The following SMOC2 variants were observed in gnomAD, a reference collection of about 807,000 sequenced individuals.
SMOC2 encodes SPARC-related modular calcium-binding protein 2.
Under a neutral mutation model 61.4 loss-of-function variants are expected in SMOC2, and 39 were observed. That is an observed-to-expected ratio of 0.64 (90% confidence interval 0.49 to 0.83). The LOEUF is 0.83. Among genes scored for constraint, SMOC2 ranks in the 40% least tolerant of loss-of-function variants. The pLI is 0.00. For synonymous variants in SMOC2, 247 were observed against 239.9 expected (o/e 1.03, Z -0.27); for missense variants, 556 against 592.9 (o/e 0.94, Z 0.65).
At chr6:168,562,722 C>G (rs1003482209) in intron 7 of SMOC2, among the ~76,000 whole-genome samples, 1 of 152,190 alleles carries the variant, frequency 6.6e-6, no homozygotes, top group Non-Finnish European at 1.5e-5. Context: ...AAGAAATGCA[C>G]TCACATTTCA....
chr6:168,554,531 G>A (rs1250956841), intron 7 of SMOC2, among the ~76,000 whole-genome samples: 1 of 152,198 alleles, frequency 6.6e-6, no homozygotes. Context: ...TGGGGGTGGA[G>A]AGGAGGGGCA....
intron 9 of SMOC2, among the ~76,000 whole-genome samples, chr6:168,636,621 G>A (rs1786726583): frequency 6.6e-6 from 1 of 152,230 alleles, no homozygotes; most frequent in African/African-American, 2.4e-5. Context: ...AACATTGTTG[G>A]AAGGACAGAA....
chr6:168,517,944 G>A (rs1314069747), intron 2 of SMOC2, among the ~76,000 whole-genome samples: 1 of 152,256 alleles, frequency 6.6e-6, no homozygotes, highest in Non-Finnish European at 1.5e-5. Flanking sequence ...GGGCCGGGGG[G>A]CTCTGTCCTC....
At chr6:168,516,168 G>A (rs994738101) in intron 2 of SMOC2, among the ~76,000 whole-genome samples, 1 of 152,162 alleles carries the variant, frequency 6.6e-6, no homozygotes, top group Non-Finnish European at 1.5e-5. Flanking sequence ...CGATTTAAAT[G>A]TTTTGCACAC....
intron 12 of SMOC2, chr6:168,664,384 CTTTTTTTTTTTTTTTTTTT>C (rs750178882): frequency 2.7e-4 from 90 of 330,220 alleles, no homozygotes; most frequent in South Asian, 3.7e-4. Flanking sequence ...TTTGGTAGAT[CTTTTTTTTTTTTTTTTTTT>C]TTTTTTTTTT....
intron 11 of SMOC2, chr6:168,655,599 C>T (rs111499922): frequency 0.011 from 3,696 of 346,448 alleles, 141 homozygotes; most frequent in African/African-American, 0.073. Context: ...CACATGTGTG[C>T]CAGATCCCCC....
intron 7 of SMOC2, among the ~76,000 whole-genome samples, chr6:168,597,385 C>T (rs1785360386): frequency 6.6e-6 from 1 of 152,166 alleles, no homozygotes. Flanking sequence ...TTATTGAGTG[C>T]CTATTACAAG....
At chr6:168,638,301 A>G (rs1163188282) in intron 9 of SMOC2, among the ~76,000 whole-genome samples, 2 of 152,218 alleles carry the variant, frequency 1.3e-5, no homozygotes, top group Non-Finnish European at 2.9e-5. Context: ...GGTTTTCACC[A>G]CTAAGAACCT....
At chr6:168,449,410 G>A (rs1443512717) in intron 1 of SMOC2, among the ~76,000 whole-genome samples, 1 of 152,126 alleles carries the variant, frequency 6.6e-6, no homozygotes, top group Non-Finnish European at 1.5e-5. Context: ...TTAGATAGGA[G>A]ATAGAAATTT....
At chr6:168,502,311 AAGAAATC>A (rs1374315512) in intron 1 of SMOC2, among the ~76,000 whole-genome samples, 6 of 152,242 alleles carry the variant, frequency 3.9e-5, no homozygotes, top group Non-Finnish European at 8.8e-5. Context: ...TGGACAAGTG[AAGAAATC>A]AGCTCTCACA....
rs529329008 is a variant in SMOC2 at position 168,543,475 on chromosome 6, G to A, written c.464-150G>A. On this transcript the variant is annotated intron_variant, in intron 4 of 12. Transcript: ENST00000356284. ...TGTTTAGGTGACAGTGTCCCCTCAG[G>A]GTACTAGACAGCTTACAGAATTTAA... 8 of 647,410 alleles carry A rather than the reference G, an allele frequency of 1.2e-5. No homozygotes were observed. In the East Asian group the frequency reaches 2.2e-4, roughly 18 times the overall value. 40.1% of individuals were successfully genotyped at this position (647,410 alleles called of 1,614,324 possible).
intron 1 of SMOC2, among the ~76,000 whole-genome samples, chr6:168,472,822 G>A (rs1409070961): frequency 2.0e-5 from 3 of 152,162 alleles, no homozygotes; most frequent in Middle Eastern, 3.4e-3. Context: ...TAGGGGAAAT[G>A]GGGAAATGCT....
At chr6:168,555,424 A>G (rs1017923032) in intron 7 of SMOC2, among the ~76,000 whole-genome samples, 2 of 151,532 alleles carry the variant, frequency 1.3e-5, no homozygotes, top group African/African-American at 4.9e-5. Flanking sequence ...TCCCACCATC[A>G]AGCTTCCCAC....
In SMOC2 at chr6:168,550,495, T is replaced by C. The variant is rs527923143; in HGVS notation, c.637+1292T>C. 2.0e-5 allele frequency among the ~76,000 whole-genome samples: 3 copies of C among 152,224 alleles called. No homozygotes were observed. In the South Asian group the frequency reaches 6.2e-4, roughly 32 times the overall value. On this transcript the variant is annotated intron_variant, in intron 7 of 12. Coordinates refer to ENST00000356284, the MANE Select transcript of SMOC2 (RefSeq NM_001166412.2). Reference sequence around the variant, plus strand: ...ACCTCAGAACCCCATGGCGAGTCTATGGTAGGCCCGTCCACTGATTTCCAC... The same window carrying C: ...ACCTCAGAACCCCATGGCGAGTCTACGGTAGGCCCGTCCACTGATTTCCAC...
intron 8 of SMOC2, among the ~76,000 whole-genome samples, chr6:168,600,441 A>AAAAAAAC: frequency 7.9e-6 from 1 of 127,030 alleles, no homozygotes; most frequent in South Asian, 2.6e-4. Context: ...AAACAAAAAA[A>AAAAAAAC]AAAACAGTAG....
chr6:168,531,942 C>G (rs1212366685), intron 4 of SMOC2, among the ~76,000 whole-genome samples: 1 of 152,110 alleles, frequency 6.6e-6, no homozygotes, highest in East Asian at 1.9e-4. Flanking sequence ...GTCAAGGGCT[C>G]TGGAGAGTGG....
chr6:168,547,679 GA>G (rs1334791584), intron 6 of SMOC2, among the ~76,000 whole-genome samples: 1 of 152,084 alleles, frequency 6.6e-6, no homozygotes, highest in Non-Finnish European at 1.5e-5. Flanking sequence ...CTTGGCTGTA[GA>G]AATAATTTCA....
Position 168,482,459 on chromosome 6 carries a change from A to T in SMOC2, c.85-27456A>T, listed in dbSNP as rs577170796. Reference sequence around the variant, plus strand: ...TGGACAGAGAAAACCTGTGGACCTCACGGCTTCACTGGTGAATTCTACCAA... The same window carrying T: ...TGGACAGAGAAAACCTGTGGACCTCTCGGCTTCACTGGTGAATTCTACCAA... On this transcript the variant is annotated intron_variant, in intron 1 of 12. Transcript: ENST00000356284. Among the ~76,000 whole-genome samples the T allele has an allele frequency of 3.9e-5, 6 of 152,090 alleles. No homozygotes were observed. The South Asian group carries it at 8.3e-4, about 21-fold the overall frequency.
chr6:168,450,796 T>C (rs1781443553), intron 1 of SMOC2, among the ~76,000 whole-genome samples: 1 of 152,236 alleles, frequency 6.6e-6, no homozygotes, highest in Non-Finnish European at 1.5e-5. Context: ...AACCCGAACG[T>C]GACCTTGTGA....
Sources: allele counts gnomAD v4.1 joint callset (sites outside exome capture counted in the v4.1 genomes callset), GRCh38; gene constraint gnomAD v4.1.1; transcripts MANE v1.5; gene names NCBI Gene and HGNC (gene_info 2026-07-23, HGNC 2026-07-21).